PCM1: variants seen among roughly 807,000 people sequenced by gnomAD.
PCM1 encodes the protein pericentriolar material 1 protein.
Under a neutral mutation model 241.9 loss-of-function variants are expected in PCM1, and 157 were observed. The ratio of observed to expected loss-of-function variants is 0.65; its 90% CI spans 0.57 to 0.74. The LOEUF is 0.74. Among genes scored for constraint, PCM1 ranks in the 30% least tolerant of loss-of-function variants. The probability of loss-of-function intolerance (pLI) is 0.00; values close to 1 mark genes in which losing one functional copy is unlikely to be tolerated. For synonymous variants in PCM1, 1,085 were observed against 784.9 expected, an observed-to-expected ratio of 1.38 and a Z score of -6.39; for missense variants, 3,478 against 2,360.1, an observed-to-expected ratio of 1.47 and a Z score of -9.81.
chr8:17,972,494 A>G lies in PCM1; in HGVS notation c.3750A>G (p.Arg1250=). ...RKNQLDTNGR[R]RQFDEESLES... ...ATCAATTAGATACAAACGGAAGAAG[A>G]CGCCAGTTTGATGAAGAATCACTGG... is the stretch of plus-strand genomic sequence containing the variant. The change falls in exon 23 of 39, where the codon AGA becomes AGG. Residue 1250 remains arginine (R), a synonymous_variant. Transcript: ENST00000325083. The G allele has an allele frequency of 1.2e-6, 2 of 1,613,936 alleles. No individual in the cohort carries two copies. Among genetic ancestry groups the G allele is most frequent in the African/African-American group, 1.3e-5 (1 of 75,058 alleles).
intron 23 of PCM1, among the ~76,000 whole-genome samples, chr8:17,979,015 T>C (rs2079743897): frequency 6.6e-6 from 1 of 152,108 alleles, no homozygotes; most frequent in South Asian, 2.1e-4. Flanking sequence ...TCCCAGCACT[T>C]TGGGAGGGCG....
chr8:17,966,129 A>G lies in PCM1; in HGVS notation c.2986A>G (p.Lys996Glu), dbSNP rs762323991. 6.2e-7 allele frequency: 1 copy of G among 1,613,850 alleles called. No individual in the cohort carries two copies. Among genetic ancestry groups the G allele is most frequent in the African/African-American group, 1.3e-5 (1 of 74,946 alleles). The change falls in exon 19 of 39, where the codon AAA becomes GAA. Residue 996 changes from lysine (K) to glutamate (E), a missense_variant. Coordinates refer to ENST00000325083, the MANE Select transcript of PCM1 (RefSeq NM_006197.4). ...WVSELSYVEEKEQWQEQINQL... is the reference protein window; with the variant it reads ...WVSELSYVEEEEQWQEQINQL... Reference sequence around the variant, plus strand: ...GTCAGAGCTCTCTTACGTAGAAGAGAAAGAACAATGGCAAGAACAAATCAA... The same window carrying G: ...GTCAGAGCTCTCTTACGTAGAAGAGGAAGAACAATGGCAAGAACAAATCAA...
At position 17,991,935 on chromosome 8, in the gene PCM1, T is replaced by A. The variant is rs561033408; in HGVS notation, c.4690+235T>A. 5.9e-5 allele frequency among the ~76,000 whole-genome samples: 9 copies of A among 152,300 alleles called. No homozygotes were observed. In the South Asian group the frequency reaches 1.9e-3, roughly 32 times the overall value. On this transcript the variant is annotated intron_variant, in intron 28 of 38. Transcript: ENST00000325083. ...ATACTCATAGCTTAGCTACCACTTA[T>A]GAGTGAGAACATGCAACGTTTGGTT... is the stretch of plus-strand genomic sequence containing the variant.
chr8:17,967,317 T>G, intron 21 of PCM1, 147 bp downstream of exon 21: 1 of 630,212 alleles, frequency 1.6e-6, no homozygotes, highest in Non-Finnish European at 2.6e-6. Flanking sequence ...TTTTTTTTTT[T>G]TTCTTTTTGA....
chr8:17,944,539 T>G (rs1280659485), intron 6 of PCM1, among the ~76,000 whole-genome samples: 2 of 152,126 alleles, frequency 1.3e-5, no homozygotes, highest in African/African-American at 4.8e-5. Context: ...CCTAAGTTAT[T>G]TTTTTAATCT....
At chr8:18,001,041 G>A (rs2089228547) in intron 29 of PCM1, among the ~76,000 whole-genome samples, 1 of 152,190 alleles carries the variant, frequency 6.6e-6, no homozygotes, top group South Asian at 2.1e-4. Context: ...GCATATAGCT[G>A]CTGCCTAAAG....
In PCM1 at chr8:18,009,314, A is replaced by C. The variant is rs533210930; in HGVS notation, c.4963-233A>C. On this transcript the variant is annotated intron_variant, in intron 30 of 38. Coordinates refer to ENST00000325083, the MANE Select transcript of PCM1 (RefSeq NM_006197.4). ...TCATTTGTGCCCAGCAGTTACATCA[A>C]ATAGGGACTAAATATAGATGACCAT... 1.8e-3 allele frequency among the ~76,000 whole-genome samples: 277 copies of C among 152,308 alleles called. 1 individual carries two copies. The highest frequency in any genetic ancestry group is 3.3e-3 in the Non-Finnish European group (225 of 68,012).
At chr8:17,929,791 G>T (rs1466993497) in intron 2 of PCM1, among the ~76,000 whole-genome samples, 2 of 152,156 alleles carry the variant, frequency 1.3e-5, no homozygotes, top group Admixed American at 6.5e-5. Flanking sequence ...TTTCCTGTAT[G>T]TATGTAACTG....
intron 3 of PCM1, among the ~76,000 whole-genome samples, chr8:17,936,098 T>G (rs1397590489): frequency 6.6e-6 from 1 of 152,210 alleles, no homozygotes; most frequent in Non-Finnish European, 1.5e-5. Context: ...CTGGTCCATG[T>G]GATATACTGT....
rs527893440 is a variant in PCM1 at position 17,940,358 on chromosome 8, T to G, written c.783+497T>G. 2.6e-5 allele frequency among the ~76,000 whole-genome samples: 4 copies of G among 152,332 alleles called. No homozygotes were observed. In the East Asian group the frequency reaches 7.7e-4, roughly 29 times the overall value. Reference sequence around the variant, plus strand: ...TTATTTATTAACACTAAAAATAGTTTTAATGGTTAATTTGAAAATGTAATT... The same window carrying G: ...TTATTTATTAACACTAAAAATAGTTGTAATGGTTAATTTGAAAATGTAATT... On this transcript the variant is annotated intron_variant, in intron 6 of 38. Coordinates refer to ENST00000325083, the MANE Select transcript of PCM1 (RefSeq NM_006197.4).
chr8:17,946,865 G>GTGTGTGTC (rs1173642975), intron 6 of PCM1, among the ~76,000 whole-genome samples: 2 of 151,234 alleles, frequency 1.3e-5, no homozygotes, highest in African/African-American at 4.9e-5. Flanking sequence ...GTGTGTGTGT[G>GTGTGTGTC]TGTGTGTCCA....
chr8:17,971,617 G>C (rs1360300004), intron 22 of PCM1, among the ~76,000 whole-genome samples: 1 of 152,172 alleles, frequency 6.6e-6, no homozygotes, highest in East Asian at 1.9e-4. Flanking sequence ...CCAAATTCTT[G>C]TTCTACTTGA....
intron 34 of PCM1, among the ~76,000 whole-genome samples, chr8:18,012,351 A>G (rs368550720): frequency 5.3e-5 from 8 of 152,174 alleles, no homozygotes; most frequent in African/African-American, 1.9e-4. Flanking sequence ...ACAGTGTTCA[A>G]ACAACCCTTA....
intron 23 of PCM1, among the ~76,000 whole-genome samples, chr8:17,977,648 A>G (rs1054296749): frequency 3.3e-5 from 5 of 152,110 alleles, no homozygotes; most frequent in South Asian, 4.1e-4. Flanking sequence ...GTGTTTTGCT[A>G]CTGCAAGCTA....
rs2066643548 is a variant in PCM1, at chr8:17,952,953, T to G, written c.1072-17T>G. The G allele has an allele frequency of 6.9e-7, 1 of 1,452,104 alleles. No individual in the cohort carries two copies. The highest frequency in any genetic ancestry group is 9.3e-7 in the Non-Finnish European group (1 of 1,074,082). The allele number at this position is 1,452,104 out of a possible 1,614,324, so 90.0% of individuals were successfully genotyped here. A position where few individuals can be genotyped will look rare whatever the true frequency, so the allele number is the denominator to read the frequency against. Reference sequence around the variant, plus strand: ...GTTAGTCTTAATTCTTCTTTTTTGTTGTTTTTTTTTAATAAGCCTCCAGCT... The same window carrying G: ...GTTAGTCTTAATTCTTCTTTTTTGTGGTTTTTTTTTAATAAGCCTCCAGCT... On this transcript the variant is annotated splice_polypyrimidine_tract_variant and intron_variant, in intron 8 of 38. Coordinates refer to ENST00000325083, the MANE Select transcript of PCM1 (RefSeq NM_006197.4).
intron 26 of PCM1, 31 bp from the exon 27 acceptor site, chr8:17,989,828 A>T: frequency 7.1e-7 from 1 of 1,407,058 alleles, no homozygotes; most frequent in Non-Finnish European, 9.7e-7. Flanking sequence ...TAGAAGTATT[A>T]GTGATTTTTG....
intron 23 of PCM1, among the ~76,000 whole-genome samples, chr8:17,976,723 C>T (rs536101495): frequency 1.1e-4 from 16 of 152,292 alleles, no homozygotes; most frequent in South Asian, 6.2e-4. Context: ...CCCCCTCATG[C>T]TGAGAAAAAC....
At chr8:17,956,497 A>C (rs2068560857) in intron 10 of PCM1, 107 bp from the exon 11 acceptor site, 1 of 675,750 alleles carries the variant, frequency 1.5e-6, no homozygotes, top group African/African-American at 1.8e-5. Context: ...TGGATATTCC[A>C]TTAGGTCTAA....
chr8:18,006,640 C>T (rs988823184), intron 30 of PCM1, among the ~76,000 whole-genome samples: 4 of 152,116 alleles, frequency 2.6e-5, no homozygotes, highest in Non-Finnish European at 5.9e-5. Context: ...CTCTTATAAG[C>T]TTTTACTGGT....
Sources: allele counts gnomAD v4.1 joint callset (sites outside exome capture counted in the v4.1 genomes callset), GRCh38; gene constraint gnomAD v4.1.1; transcripts MANE v1.5; gene names NCBI Gene and HGNC (gene_info 2026-07-23, HGNC 2026-07-21).